FMNL3: variants seen among roughly 807,000 people sequenced by gnomAD.
FMNL3 encodes formin-like protein 3.
FMNL3 carries 57 observed loss-of-function variants against 119.6 expected under a neutral mutation model. The observed-to-expected ratio is 0.48, with a 90% CI of 0.39 to 0.59. The LOEUF is 0.59. Ranked by LOEUF, FMNL3 falls within the 20% of genes least tolerant of loss-of-function variation. The probability of loss-of-function intolerance (pLI) is 0.00; values close to 1 mark genes in which losing one functional copy is unlikely to be tolerated. For missense variants in FMNL3, 1,053 were observed against 1,323.5 expected, an observed-to-expected ratio of 0.80 and a Z score of 3.17; for synonymous variants, 491 against 507.3, an observed-to-expected ratio of 0.97 and a Z score of 0.43.
At chr12:49,693,654 T>G (rs1432840861) in intron 1 of FMNL3, among the ~76,000 whole-genome samples, 1 of 133,850 alleles carries the variant, frequency 7.5e-6, no homozygotes, top group Non-Finnish European at 1.6e-5. Context: ...TTTTTTTTTT[T>G]TTTTTTTTTT....
chr12:49,642,156 C>T lies in FMNL3; in HGVS notation c.*3659G>A, dbSNP rs935413726. On this transcript the variant is annotated 3_prime_UTR_variant, in exon 26 of 26. Coordinates refer to ENST00000335154, the MANE Select transcript of FMNL3 (RefSeq NM_175736.5). The surrounding 1 kb of genome is among the most constrained non-coding windows in gnomAD (Gnocchi z 5.8). ...GGTAGAAGCCCAGACCCTAACTTTC[C>T]ACCTCCTAAGGTATGCCTGAGTGGG... 4.0e-5 allele frequency: 64 copies of T among 1,608,906 alleles called. 1 individual carries two copies. The African/African-American group carries it at 7.3e-4, about 18-fold the overall frequency.
intron 1 of FMNL3, among the ~76,000 whole-genome samples, chr12:49,686,321 C>T (rs1037643734): frequency 6.6e-6 from 1 of 150,662 alleles, no homozygotes; most frequent in Non-Finnish European, 1.5e-5. Flanking sequence ...GTGGCTCACA[C>T]CTGTAATCCC....
intron 1 of FMNL3, among the ~76,000 whole-genome samples, chr12:49,687,738 G>A (rs551512662): frequency 7.2e-5 from 11 of 152,280 alleles, no homozygotes; most frequent in African/African-American, 1.9e-4. Flanking sequence ...ATGAATAAAC[G>A]AGTGATCATG....
intron 4 of FMNL3, among the ~76,000 whole-genome samples, chr12:49,663,259 G>C (rs981983829): frequency 1.3e-5 from 2 of 152,216 alleles, no homozygotes; most frequent in Non-Finnish European, 2.9e-5. Flanking sequence ...ACTTTGAGGA[G>C]AGGTTAAAGG....
chr12:49,651,534 T>A, intron 14 of FMNL3, 84 bp from the exon 15 acceptor site: 9 of 1,073,062 alleles, frequency 8.4e-6, no homozygotes, highest in Non-Finnish European at 1.1e-5. Flanking sequence ...TCCCACCTTC[T>A]CTGAGAGTTA....
chr12:49,656,833 T>C lies in FMNL3; in HGVS notation c.781A>G (p.Lys261Glu). The C allele has an allele frequency of 1.2e-6, 2 of 1,613,944 alleles. No homozygotes were observed. The highest frequency in any genetic ancestry group is 1.7e-6 in the Non-Finnish European group (2 of 1,179,888). Residue 261 changes from lysine to glutamate, a missense_variant, in exon 8 of 26, where the codon AAG (lysine) becomes GAG (glutamate). Transcript: ENST00000335154. ...VNEIALSLNN[K>E]NPRTKALVLE... ...AGGGAAGGAACTCACCTTGGATTCT[T>C]GTTATTGAGGCTAAGTGCAATCTCA... is the stretch of plus-strand genomic sequence containing the variant.
Position 49,642,756 on chromosome 12 carries a change from C to G in FMNL3, c.*3059G>C, listed in dbSNP as rs1181385846. The G allele has an allele frequency of 8.7e-6, 13 of 1,499,284 alleles. No homozygotes were observed. Among genetic ancestry groups the G allele is most frequent in the Non-Finnish European group, 1.2e-5 (13 of 1,096,966 alleles). The allele number at this position is 1,499,284 out of a possible 1,614,324, so 92.9% of individuals were successfully genotyped here. Reference sequence around the variant, plus strand: ...TTCAACAGAGACCTCAGTGGCCTCCCTCTTACCCTTAGGGCACTCCTGGCC... The same window carrying G: ...TTCAACAGAGACCTCAGTGGCCTCCGTCTTACCCTTAGGGCACTCCTGGCC... On this transcript the variant is annotated 3_prime_UTR_variant, in exon 26 of 26. Transcript: ENST00000335154. This position sits in a 1 kb window ranked among gnomAD's most constrained non-coding sequence, Gnocchi z 5.8.
rs561353855 is a variant in FMNL3 at position 49,636,835 on chromosome 12, C to A, written c.*8980G>T. 2.5e-6 allele frequency: 4 copies of A among 1,614,022 alleles called. No homozygotes were observed. In the African/African-American group the frequency reaches 4.0e-5, roughly 16 times the overall value. ...GGAGCGACGCCAACAACGCAAGAAT[C>A]GGGAGGCCTTCCAGGTATCTTTGCT... On this transcript the variant is annotated 3_prime_UTR_variant, in exon 26 of 26. Transcript: ENST00000335154.
At chr12:49,655,458 C>A (rs541839032) in intron 9 of FMNL3, among the ~76,000 whole-genome samples, 25 of 152,280 alleles carry the variant, frequency 1.6e-4, no homozygotes, top group African/African-American at 5.5e-4. Flanking sequence ...AAACTGGGAC[C>A]TGCAATCTGG....
At chr12:49,667,132 C>T (rs1024051765) in intron 2 of FMNL3, among the ~76,000 whole-genome samples, 2 of 152,146 alleles carry the variant, frequency 1.3e-5, no homozygotes, top group African/African-American at 4.8e-5. Flanking sequence ...CAAAAAGAAA[C>T]TCAGGGAGTA....
chr12:49,664,427 A>AGACAGAAGGGCTGAGAGG (rs1395116884), intron 4 of FMNL3, among the ~76,000 whole-genome samples: 2 of 152,098 alleles, frequency 1.3e-5, no homozygotes, highest in Non-Finnish European at 2.9e-5. Flanking sequence ...AACAAAAAGA[A>AGACAGAAGGGCTGAGAGG]GACAGAAGGG....
intron 4 of FMNL3, among the ~76,000 whole-genome samples, chr12:49,663,246 G>A (rs1023077261): frequency 2.6e-5 from 4 of 152,172 alleles, no homozygotes; most frequent in East Asian, 3.8e-4. Flanking sequence ...TCGGGATCTT[G>A]ACACTTTGAG....
intron 1 of FMNL3, among the ~76,000 whole-genome samples, chr12:49,678,863 C>G (rs528297299): frequency 6.6e-6 from 1 of 152,262 alleles, no homozygotes; most frequent in East Asian, 1.9e-4. Flanking sequence ...TTTGCAAATA[C>G]TGGCAACACA....
At chr12:49,683,332 T>C (rs1944382733) in intron 1 of FMNL3, among the ~76,000 whole-genome samples, 2 of 152,306 alleles carry the variant, frequency 1.3e-5, no homozygotes, top group Non-Finnish European at 2.9e-5. Flanking sequence ...TGCAACCTCA[T>C]GTGTCTCAAA....
chr12:49,645,420 C>A lies in FMNL3; in HGVS notation c.*395G>T, dbSNP rs1450447851. On this transcript the variant is annotated 3_prime_UTR_variant, in exon 26 of 26. Coordinates refer to ENST00000335154, the MANE Select transcript of FMNL3 (RefSeq NM_175736.5). The stretch of plus-strand genomic sequence containing the variant: ...CTCCCTAAGCCTAGATACATCTAGA[C>A]CAGAGCTGACCATGGGCCTGCAAAA... The A allele has an allele frequency of 1.1e-5, 2 of 176,042 alleles. No homozygotes were observed. The highest frequency in any genetic ancestry group is 2.4e-5 in the Non-Finnish European group (2 of 83,628). 10.9% of individuals were successfully genotyped at this position (176,042 alleles called of 1,614,324 possible).
At chr12:49,651,557 ACTCTCAG>A in intron 14 of FMNL3, 107 bp from the exon 15 acceptor site, 7 of 924,888 alleles carry the variant, frequency 7.6e-6, no homozygotes, top group Non-Finnish European at 1.0e-5. Context: ...AAAAAAAAAA[ACTCTCAG>A]AGAAGGAGCC....
intron 5 of FMNL3, among the ~76,000 whole-genome samples, chr12:49,659,330 G>A (rs920572590): frequency 6.6e-6 from 1 of 152,212 alleles, no homozygotes; most frequent in Admixed American, 6.5e-5. Flanking sequence ...CCAGGGTCCT[G>A]TAGTATAGCC....
At chr12:49,688,988 C>T (rs914760695) in intron 1 of FMNL3, among the ~76,000 whole-genome samples, 1 of 152,180 alleles carries the variant, frequency 6.6e-6, no homozygotes, top group African/African-American at 2.4e-5. Flanking sequence ...CATGGTGGCT[C>T]ATGCCTGTAA....
rs558887809 is a variant in FMNL3 at position 49,696,505 on chromosome 12, T to C, written c.126+10550A>G. On this transcript the variant is annotated intron_variant, in intron 1 of 25. Coordinates refer to ENST00000335154, the MANE Select transcript of FMNL3 (RefSeq NM_175736.5). ...AGACTCACCTACAGTTGTTATACTG[T>C]TTTGTTTACAGAATAATTACAAGGA... Among the ~76,000 whole-genome samples, 7 of 152,346 alleles carry C rather than the reference T, an allele frequency of 4.6e-5. No homozygotes were observed. In the South Asian group the frequency reaches 1.4e-3, roughly 32 times the overall value.
Sources: gnomAD v4.1 joint callset for allele counts (sites outside exome capture counted in the v4.1 genomes callset) on GRCh38, gnomAD v4.1.1 for gene constraint, Gnocchi (gnomAD v3.1) non-coding constraint, MANE v1.5 for transcripts, NCBI Gene and HGNC (gene_info 2026-07-23, HGNC 2026-07-21) for gene names.